The following PCOLCE2 variants were observed in gnomAD, a reference collection of about 807,000 sequenced individuals.
PCOLCE2 encodes the protein procollagen C-proteinase enhancer 2.
PCOLCE2 carries 42 observed loss-of-function variants against 47.0 expected under a neutral mutation model. The observed-to-expected ratio is 0.89, with a 90% CI of 0.70 to 1.16. The LOEUF (loss-of-function observed/expected upper bound fraction) is 1.16, where lower values mean the gene tolerates loss of function less well. Among genes scored for constraint, PCOLCE2 ranks in the 50% most tolerant of loss-of-function variants. The probability of loss-of-function intolerance (pLI) is 0.00; values close to 1 mark genes in which losing one functional copy is unlikely to be tolerated. For synonymous variants in PCOLCE2, 169 were observed against 191.7 expected (o/e 0.88, Z 0.98); for missense variants, 500 against 526.1 (o/e 0.95, Z 0.49).
chr3:142,842,948 C>A lies in PCOLCE2; in HGVS notation c.549G>T (p.Trp183Cys). Residue 183 changes from tryptophan (W) to cysteine (C), a missense_variant, in exon 4 of 9, where the codon TGG becomes TGT. By Grantham distance (215) the Trp-to-Cys change is radical. Coordinates refer to ENST00000295992, the MANE Select transcript of PCOLCE2 (RefSeq NM_013363.4). The surrounding 1 kb of genome is among the most constrained non-coding windows in gnomAD (Gnocchi z 4.1). ...RDYPAGVTCV[W>C]HIVAPKNQLI... ...CCTGATTCTTTGGGGCTACAATGTG[C>A]CACACACAAGTGACTCCTGCAGGGT... The A allele has an allele frequency of 6.2e-7, 1 of 1,613,966 alleles. No homozygotes were observed. The highest frequency in any genetic ancestry group is 8.5e-7 in the Non-Finnish European group (1 of 1,179,882).
At position 142,887,739 on chromosome 3, in the gene PCOLCE2, G is replaced by T. The variant is rs1578055058; in HGVS notation, c.122C>A (p.Ser41Tyr). The part of the protein sequence containing the change: ...FTCGGILTGE[S>Y]GFIGSEGFPG... ...AAAACCTTCACTGCCAATAAATCCA[G>T]ACTCTCCAGTAAGAATGCCACCACA... is the stretch of plus-strand genomic sequence containing the variant. The change falls in exon 2 of 9, where the codon TCT becomes TAT. Residue 41 changes from serine to tyrosine, a missense_variant. By Grantham distance (144) the Ser-to-Tyr change is moderately radical. Transcript: ENST00000295992. The T allele has an allele frequency of 6.2e-7, 1 of 1,608,164 alleles. No homozygotes were observed.
intron 2 of PCOLCE2, among the ~76,000 whole-genome samples, chr3:142,852,245 A>G (rs72994537): frequency 0.093 from 14,114 of 152,128 alleles, 877 homozygotes; most frequent in African/African-American, 0.18. Context: ...TTTTTATATG[A>G]GTGATCAAGA....
At chr3:142,818,883 G>T (rs542675804) in intron 8 of PCOLCE2, among the ~76,000 whole-genome samples, 25 of 152,334 alleles carry the variant, frequency 1.6e-4, no homozygotes, top group Non-Finnish European at 3.1e-4. Flanking sequence ...TAGGTCTGTT[G>T]TGGTTTCAAA....
chr3:142,822,295 C>G (rs1937024432), intron 7 of PCOLCE2, among the ~76,000 whole-genome samples: 1 of 151,976 alleles, frequency 6.6e-6, no homozygotes, highest in Non-Finnish European at 1.5e-5. Context: ...CAAAAAAATG[C>G]AGTAATCTAA....
intron 2 of PCOLCE2, among the ~76,000 whole-genome samples, chr3:142,882,589 A>ATTATTATTTTTT (rs1188049251): frequency 6.6e-6 from 1 of 151,642 alleles, no homozygotes; most frequent in African/African-American, 2.4e-5. Flanking sequence ...TTATTATTAT[A>ATTATTATTTTTT]CTTTAGAGAA....
chr3:142,848,388 C>G lies in PCOLCE2; in HGVS notation c.277G>C (p.Val93Leu), dbSNP rs200603685. ...DNLCRYDFVD[V>L]YNGHANGQRI... ...TGGCCATTGGCATGGCCATTGTACA[C>G]ATCCACAAAGTCATAGCGGCACAGG... Residue 93 changes from valine to leucine, a missense_variant, in exon 3 of 9, where the codon GTG (valine) becomes CTG (leucine). Coordinates refer to ENST00000295992, the MANE Select transcript of PCOLCE2 (RefSeq NM_013363.4). 3 of 1,614,194 alleles carry G rather than the reference C, an allele frequency of 1.9e-6. No homozygotes were observed. The Admixed American group carries it at 5.0e-5, about 27-fold the overall frequency.
At chr3:142,854,578 A>T (rs182047325) in intron 2 of PCOLCE2, among the ~76,000 whole-genome samples, 2 of 152,310 alleles carry the variant, frequency 1.3e-5, no homozygotes, top group African/African-American at 4.8e-5. Context: ...AAATAACGAG[A>T]TGTTTTGAAC....
Position 142,820,983 on chromosome 3 carries a change from T to C in PCOLCE2, c.1012A>G (p.Ile338Val). 6.2e-7 allele frequency: 1 copy of C among 1,614,008 alleles called. No homozygotes were observed. Among genetic ancestry groups the C allele is most frequent in the East Asian group, 2.2e-5 (1 of 44,878 alleles). The change falls in exon 8 of 9, where the codon ATC (isoleucine) becomes GTC (valine). Residue 338 changes from isoleucine (I) to valine (V), a missense_variant. Coordinates refer to ENST00000295992, the MANE Select transcript of PCOLCE2 (RefSeq NM_013363.4). ...TTTCCCTCTTTGTAGATGTTGATGA[T>C]CGAGACTGTGGCGTGCAAACTCCCA... is the stretch of plus-strand genomic sequence containing the variant. ...RDGSLHATVS[I>V]INIYKEGNLA... is the part of the protein sequence containing the mutation.
At chr3:142,885,302 C>G (rs1408160675) in intron 2 of PCOLCE2, among the ~76,000 whole-genome samples, 6 of 152,166 alleles carry the variant, frequency 3.9e-5, no homozygotes, top group African/African-American at 1.4e-4. Context: ...AAGATATTTC[C>G]CCCCAGCTAC....
Position 142,818,319 on chromosome 3 carries a change from T to C in PCOLCE2, c.*16A>G, listed in dbSNP as rs1396438292. 2 of 1,611,778 alleles carry C rather than the reference T, an allele frequency of 1.2e-6. No individual in the cohort carries two copies. The highest frequency in any genetic ancestry group is 1.7e-5 in the Admixed American group (1 of 59,982). ...AGGCAATGGCAGAATACAGCTTAAATGGACACAGTTCACTGTTAACATTGC... is the reference window on the plus strand; with the variant it reads ...AGGCAATGGCAGAATACAGCTTAAACGGACACAGTTCACTGTTAACATTGC... On this transcript the variant is annotated 3_prime_UTR_variant, in exon 9 of 9. Transcript: ENST00000295992.
chr3:142,855,731 C>T (rs1438944705), intron 2 of PCOLCE2, among the ~76,000 whole-genome samples: 3 of 152,172 alleles, frequency 2.0e-5, no homozygotes, highest in African/African-American at 4.8e-5. Flanking sequence ...ATAAGACACC[C>T]AGTGCAATCC....
At chr3:142,841,519 T>C (rs902205780) in intron 4 of PCOLCE2, among the ~76,000 whole-genome samples, 3 of 152,222 alleles carry the variant, frequency 2.0e-5, no homozygotes, top group African/African-American at 4.8e-5. Flanking sequence ...AAGAATTACA[T>C]AATGGTTTAA....
chr3:142,878,867 C>T (rs969227881), intron 2 of PCOLCE2, among the ~76,000 whole-genome samples: 3 of 151,804 alleles, frequency 2.0e-5, no homozygotes, highest in South Asian at 4.2e-4. Flanking sequence ...AAAAAAAACC[C>T]GAAAGAACTT....
At position 142,842,101 on chromosome 3, in the gene PCOLCE2, A is replaced by G. The variant is rs946612847; in HGVS notation, c.573+823T>C. On this transcript the variant is annotated intron_variant, in intron 4 of 8. Transcript: ENST00000295992. The surrounding 1 kb of genome is among the most constrained non-coding windows in gnomAD (Gnocchi z 4.1). The stretch of plus-strand genomic sequence containing the variant: ...CTGCACATATTTTATTTTAAATGAC[A>G]ACCAAAAACACCCTAAAGCAGACCA... 6.6e-6 allele frequency among the ~76,000 whole-genome samples: 1 copy of G among 152,232 alleles called. No homozygotes were observed. Among genetic ancestry groups the G allele is most frequent in the Admixed American group, 6.5e-5 (1 of 15,288 alleles).
intron 5 of PCOLCE2, among the ~76,000 whole-genome samples, chr3:142,836,383 AC>A (rs1937204345): frequency 6.6e-6 from 1 of 152,196 alleles, no homozygotes; most frequent in Non-Finnish European, 1.5e-5. Context: ...GTCTGCAAGC[AC>A]AGTCTGTTAG....
At chr3:142,836,932 C>A (rs1178942915) in intron 5 of PCOLCE2, among the ~76,000 whole-genome samples, 1 of 152,150 alleles carries the variant, frequency 6.6e-6, no homozygotes, top group East Asian at 1.9e-4. Context: ...ACATCCTAAT[C>A]CCTGGACACT....
At chr3:142,884,052 T>C (rs1933677625) in intron 2 of PCOLCE2, among the ~76,000 whole-genome samples, 1 of 152,212 alleles carries the variant, frequency 6.6e-6, no homozygotes, top group Non-Finnish European at 1.5e-5. Flanking sequence ...TCTAAATGTG[T>C]CCTGCCTATG....
At chr3:142,844,246 A>G (rs1937299693) in intron 3 of PCOLCE2, among the ~76,000 whole-genome samples, 1 of 152,164 alleles carries the variant, frequency 6.6e-6, no homozygotes, top group African/African-American at 2.4e-5. Flanking sequence ...TCTCTACACT[A>G]CTTTTCTGAA....
chr3:142,885,725 C>G (rs143214666), intron 2 of PCOLCE2, among the ~76,000 whole-genome samples: 1 of 152,336 alleles, frequency 6.6e-6, no homozygotes, highest in African/African-American at 2.4e-5. Context: ...GTCTCTCTGC[C>G]TCTACTCTTA....
Sources: allele counts gnomAD v4.1 joint callset (sites outside exome capture counted in the v4.1 genomes callset), GRCh38; gene constraint gnomAD v4.1.1; non-coding constraint Gnocchi (gnomAD v3.1); transcripts MANE v1.5; gene names NCBI Gene and HGNC (gene_info 2026-07-23, HGNC 2026-07-21).